PLCB2: variants seen among roughly 807,000 people sequenced by gnomAD.
The protein encoded by PLCB2 is 1-phosphatidylinositol 4,5-bisphosphate phosphodiesterase beta-2.
In PLCB2, 115 loss-of-function variants were observed where a neutral mutation model predicts 141.7. The ratio of observed to expected loss-of-function variants is 0.81; its 90% CI spans 0.70 to 0.95. The LOEUF (loss-of-function observed/expected upper bound fraction) is 0.95. Ranked by LOEUF, PLCB2 falls within the 40% of genes least tolerant of loss-of-function variation. The probability of loss-of-function intolerance (pLI) is 0.00; values close to 1 mark genes in which losing one functional copy is unlikely to be tolerated. For synonymous variants in PLCB2, 603 were observed against 595.6 expected (o/e 1.01, Z -0.18); for missense variants, 1,403 against 1,541.1 (o/e 0.91, Z 1.50).
At position 40,288,741 on chromosome 15, in the gene PLCB2, C is replaced by T. The variant is rs1380758111; in HGVS notation, c.3532G>A (p.Ala1178Thr). 8.1e-6 allele frequency: 13 copies of T among 1,600,836 alleles called. No homozygotes were observed. Among genetic ancestry groups the T allele is most frequent in the Non-Finnish European group, 7.7e-6 (9 of 1,169,568 alleles). The change falls in exon 32 of 32, where the codon GCA becomes ACA. Residue 1178 changes from alanine (A) to threonine (T), a missense_variant. By Grantham distance (58) the Ala-to-Thr change is moderately conservative. Transcript: ENST00000260402. ...LCEQDPLIAKADAQESRL is the reference protein window; with the variant it reads ...LCEQDPLIAKTDAQESRL ...CAGAGGCGGCTCTCCTGGGCATCTG[C>T]CTTTGCTATGAGTGGGTCCTGCTCA...
At chr15:40,306,679 C>A (rs906917165) in intron 1 of PLCB2, among the ~76,000 whole-genome samples, 1 of 152,190 alleles carries the variant, frequency 6.6e-6, no homozygotes, top group African/African-American at 2.4e-5. Flanking sequence ...TAGACCCAGA[C>A]CCCCTCATCC....
At chr15:40,292,015 T>C in intron 23 of PLCB2, 49 bp downstream of exon 23, 1 of 1,605,452 alleles carries the variant, frequency 6.2e-7, no homozygotes, top group South Asian at 1.1e-5. Context: ...CTCCCATAAA[T>C]AGGGCTAATC....
intron 1 of PLCB2, among the ~76,000 whole-genome samples, chr15:40,306,384 C>G (rs2040797413): frequency 1.3e-5 from 2 of 152,122 alleles, no homozygotes; most frequent in Non-Finnish European, 2.9e-5. Flanking sequence ...GGAAGAAGGA[C>G]AGTCTCCGCT....
chr15:40,284,837 A>AAG (rs2039588243), downstream of PLCB2, among the ~76,000 whole-genome samples: 1 of 8,450 alleles, frequency 1.2e-4, no homozygotes, highest in Admixed American at 1.2e-3. Context: ...AGACTCCGTC[A>AAG]AAAAAAAAAA....
Position 40,291,143 on chromosome 15 carries a change from C to T in PLCB2, c.2911G>A (p.Glu971Lys), listed in dbSNP as rs1274471578. Reference protein sequence around the residue: ...REESAGAAPGEGPEGVDGRVR... With the variant: ...REESAGAAPGKGPEGVDGRVR... ...CGCCCGTCCACGCCCTCAGGGCCCT[C>T]GCCCGGCGCGGCTCCGGCGCTCTCC... The change falls in exon 27 of 32, where the codon GAG becomes AAG. Residue 971 changes from glutamate (E) to lysine (K), a missense_variant. Physicochemically the swap from Glu to Lys is moderately conservative, Grantham distance 56. Around this residue, in one of 4 missense-constraint regions of PLCB2, gnomAD observed 290 missense variants for 245.9 expected, o/e 1.18. Transcript: ENST00000260402. The T allele has an allele frequency of 3.2e-6, 5 of 1,570,692 alleles. No individual in the cohort carries two copies. The highest frequency in any genetic ancestry group is 1.3e-5 in the African/African-American group (1 of 74,270).
At chr15:40,284,616 C>A (rs1361521806), downstream of PLCB2, 3 of 452,022 alleles carry the variant, frequency 6.6e-6, no homozygotes, top group Non-Finnish European at 1.3e-5. Context: ...CCGAGGCGGG[C>A]GGATCACGAG....
chr15:40,296,447 G>A (rs1023329615), intron 15 of PLCB2, 55 bp from the exon 16 acceptor site: 1 of 1,613,104 alleles, frequency 6.2e-7, no homozygotes, highest in Non-Finnish European at 8.5e-7. Context: ...GCCCAGGAAT[G>A]GGGCCCAAGG....
chr15:40,303,939 G>T lies in PLCB2; in HGVS notation c.162+62C>A, dbSNP rs112119427. 429 of 1,178,554 alleles carry T rather than the reference G, an allele frequency of 3.6e-4. 3 individuals are homozygous for T. Among genetic ancestry groups the T allele is most frequent in the Admixed American group, 3.6e-4 (18 of 50,392 alleles). The allele number at this position is 1,178,554 out of a possible 1,614,324, so 73.0% of individuals were successfully genotyped here. A position where few individuals can be genotyped will look rare whatever the true frequency, so the allele number is the denominator to read the frequency against. ...ATGCCTCCACCTTGGTGCAGCCAGG[G>T]GGCTGTCTGGCCTCAATGATAAGCA... On this transcript the variant is annotated intron_variant, in intron 2 of 31. Transcript: ENST00000260402.
intron 18 of PLCB2, among the ~76,000 whole-genome samples, chr15:40,294,638 G>A (rs2040107247): frequency 6.6e-6 from 1 of 152,224 alleles, no homozygotes; most frequent in South Asian, 2.1e-4. Flanking sequence ...CCACAGCCAG[G>A]CTGAGGGACT....
At chr15:40,293,061 G>A in intron 20 of PLCB2, 36 bp from the exon 21 acceptor site, 1 of 1,386,056 alleles carries the variant, frequency 7.2e-7, no homozygotes, top group Non-Finnish European at 1.0e-6. Flanking sequence ...GCTGGGAGGG[G>A]AGAGAGGAGC....
In PLCB2 at chr15:40,304,029, T is replaced by C. The variant is rs1221214510; in HGVS notation, c.134A>G (p.Tyr45Cys). 1 of 1,598,808 alleles carries C rather than the reference T, an allele frequency of 6.3e-7. No homozygotes were observed. The highest frequency in any genetic ancestry group is 2.2e-5 in the East Asian group (1 of 44,466). ...ACTTTGATACGTCCAGTATAAGTAG[T>C]AGCCCTTAGGATCCACACGGAGGAT... ...PVILRVDPKG[Y>C]YLYWTYQSKE... Residue 45 changes from tyrosine to cysteine, a missense_variant, in exon 2 of 32, where the codon TAC becomes TGC. Physicochemically the swap from Tyr to Cys is radical, Grantham distance 194. Around this residue, in one of 4 missense-constraint regions of PLCB2, gnomAD observed 975 missense variants for 1,141.1 expected, o/e 0.85. Transcript: ENST00000260402.
intron 7 of PLCB2, among the ~76,000 whole-genome samples, chr15:40,300,309 T>A (rs1053451551): frequency 6.6e-6 from 1 of 152,186 alleles, no homozygotes; most frequent in African/African-American, 2.4e-5. Flanking sequence ...AGTGAGACTC[T>A]GTCTCAAAAA....
Position 40,290,571 on chromosome 15 carries a change from G to A in PLCB2, c.3209+6C>T, listed in dbSNP as rs2039835775. On this transcript the variant is annotated splice_donor_region_variant and intron_variant, in intron 29 of 31. Transcript: ENST00000260402. ...CCCAGCCCTGGGCCTCCCCTCCAGG[G>A]CTCACCTCTCCTGGGCCATCTTGTC... 6.2e-7 allele frequency: 1 copy of A among 1,609,364 alleles called. No homozygotes were observed. The highest frequency in any genetic ancestry group is 1.7e-5 in the Admixed American group (1 of 60,004).
At chr15:40,290,469 AG>A in intron 29 of PLCB2, 107 bp downstream of exon 29, 1 of 833,958 alleles carries the variant, frequency 1.2e-6, no homozygotes, top group Non-Finnish European at 2.0e-6. Context: ...TTGGAGAGCC[AG>A]GGGACAGATG....
chr15:40,292,354 G>A lies in PLCB2; in HGVS notation c.2416C>T (p.Pro806Ser). 6.2e-7 allele frequency: 1 copy of A among 1,612,402 alleles called. No individual in the cohort carries two copies. Among genetic ancestry groups the A allele is most frequent in the South Asian group, 1.1e-5 (1 of 91,004 alleles). Residue 806 changes from proline to serine, a missense_variant, in exon 22 of 32, where the codon CCT becomes TCT. Around this residue, in one of 4 missense-constraint regions of PLCB2, gnomAD observed 975 missense variants for 1,141.1 expected, o/e 0.85. Transcript: ENST00000260402. ...FIFLEMKDYIPGAWADLTVAL... is the reference protein window; with the variant it reads ...FIFLEMKDYISGAWADLTVAL... ...GGGCTCCTACCTGCCCAAGCACCAG[G>A]TATGTAGTCCTTCATCTCCAGGAAG... is the stretch of plus-strand genomic sequence containing the variant.
Position 40,295,292 on chromosome 15 carries a change from AG to A in PLCB2, c.1697-8del. The stretch of plus-strand genomic sequence containing the variant: ...ACATAACTTCGGTTCTTTTCTATAT[AG>A]GGGAGAAAGGGAGGGGAGGAGTTTT... On this transcript the variant is annotated splice_region_variant and splice_polypyrimidine_tract_variant and intron_variant, in intron 16 of 31. Transcript: ENST00000260402. 1 of 1,596,688 alleles carries A rather than the reference AG, an allele frequency of 6.3e-7. No individual in the cohort carries two copies. Among genetic ancestry groups the A allele is most frequent in the Non-Finnish European group, 8.6e-7 (1 of 1,164,212 alleles).
In PLCB2 at chr15:40,292,388, C is replaced by A. The variant is rs779878465; in HGVS notation, c.2382G>T (p.Ala794=). 6.2e-7 allele frequency: 1 copy of A among 1,613,882 alleles called. No homozygotes were observed. The highest frequency in any genetic ancestry group is 1.1e-5 in the South Asian group (1 of 91,074). ...SESNMPLTMP[A]LFIFLEMKDY... ...CCTTCATCTCCAGGAAGATGAAGAGCGCAGGCATGGTGAGGGGCATGTTGC... is the reference window on the plus strand; with the variant it reads ...CCTTCATCTCCAGGAAGATGAAGAGAGCAGGCATGGTGAGGGGCATGTTGC... Residue 794 remains alanine, a synonymous_variant, in exon 22 of 32, where the codon GCG becomes GCT. Coordinates refer to ENST00000260402, the MANE Select transcript of PLCB2 (RefSeq NM_004573.3).
chr15:40,303,582 A>G lies in PLCB2; in HGVS notation c.163-226T>C, dbSNP rs1195866918. 2.6e-5 allele frequency among the ~76,000 whole-genome samples: 4 copies of G among 151,714 alleles called. No individual in the cohort carries two copies. The East Asian group carries it at 7.8e-4, about 29-fold the overall frequency. ...GATCCTCCTCCCTTTCCCTCTGTCC[A>G]TTCCTCCCTGGCAGGGAGCTGGAGC... On this transcript the variant is annotated intron_variant, in intron 2 of 31. Transcript: ENST00000260402.
intron 27 of PLCB2, 76 bp downstream of exon 27, chr15:40,290,942 G>A: frequency 6.8e-7 from 1 of 1,461,422 alleles, no homozygotes; most frequent in Non-Finnish European, 9.2e-7. Flanking sequence ...TTGGGTCGGT[G>A]AGAGGGGCGA....
Sources: allele counts gnomAD v4.1 joint callset (sites outside exome capture counted in the v4.1 genomes callset), GRCh38; gene constraint gnomAD v4.1.1; regional missense constraint gnomAD v4.1.1; transcripts MANE v1.5; gene names NCBI Gene and HGNC (gene_info 2026-07-23, HGNC 2026-07-21).